Variants in TEX29 observed in about 807,000 individuals in gnomAD.
TEX29 encodes the protein testis expressed 29, also known as testis-expressed protein 29.
In TEX29, 26 loss-of-function variants were observed where a neutral mutation model predicts 18.2. The observed-to-expected ratio is 1.43, with a 90% CI of 1.04 to 1.98. The LOEUF (loss-of-function observed/expected upper bound fraction) is 1.98, where lower values mean the gene tolerates loss of function less well. Ranked by LOEUF, TEX29 falls within the 30% of genes most tolerant of loss-of-function variation. TEX29 has a pLI of 0.00. For missense variants in TEX29, 177 were observed against 194.2 expected, an observed-to-expected ratio of 0.91 and a Z score of 0.53; for synonymous variants, 83 against 78.5, an observed-to-expected ratio of 1.06 and a Z score of -0.31.
rs757549871 is a variant in TEX29 at position 111,342,972 on chromosome 13, G to A, written c.415+41G>A. The stretch of plus-strand genomic sequence containing the variant: ...AATGATCCTCAGCCTAAGGTCAAGG[G>A]CGTGGCTCTGTTCCCTCGGGAGACC... On this transcript the variant is annotated intron_variant, in intron 5 of 5. Coordinates refer to ENST00000283547, the MANE Select transcript of TEX29 (RefSeq NM_152324.3). The A allele has an allele frequency of 3.7e-6, 6 of 1,602,496 alleles. No individual in the cohort carries two copies. In the Admixed American group the frequency reaches 8.4e-5, roughly 22 times the overall value.
rs1375280295 is a variant in TEX29, at chr13:111,344,009, G to C, written c.416-74G>C. On this transcript the variant is annotated intron_variant, in intron 5 of 5. Coordinates refer to ENST00000283547, the MANE Select transcript of TEX29 (RefSeq NM_152324.3). ...CAGACACCATGTAGATGGGTTCAAA[G>C]ATCCTGATGAAATCTTTTCGGGACT... 3 of 1,314,590 alleles carry C rather than the reference G, an allele frequency of 2.3e-6. No individual in the cohort carries two copies. The Admixed American group carries it at 5.2e-5, about 23-fold the overall frequency. The allele number at this position is 1,314,590 out of a possible 1,614,324, so 81.4% of individuals were successfully genotyped here. A position where few individuals can be genotyped will look rare whatever the true frequency, so the allele number is the denominator to read the frequency against.
chr13:111,329,853 C>T (rs1382152239), intron 3 of TEX29, among the ~76,000 whole-genome samples: 1 of 152,136 alleles, frequency 6.6e-6, no homozygotes, highest in Non-Finnish European at 1.5e-5. Flanking sequence ...TGGTTGTAGA[C>T]TCACCGCCTT....
chr13:111,331,039 T>G (rs1331168800), intron 3 of TEX29, among the ~76,000 whole-genome samples: 1 of 152,228 alleles, frequency 6.6e-6, no homozygotes, highest in African/African-American at 2.4e-5. Flanking sequence ...TGCAAACATG[T>G]TTTTTATTCT....
chr13:111,320,988 G>GGGGT, intron 2 of TEX29, 40 bp downstream of exon 2: 1 of 431,438 alleles, frequency 2.3e-6, no homozygotes, highest in African/African-American at 2.4e-5. Context: ...TGGGGTGGGG[G>GGGGT]AGCAGTTGGG....
At chr13:111,325,824 G>A (rs2093671969) in intron 2 of TEX29, among the ~76,000 whole-genome samples, 2 of 152,242 alleles carry the variant, frequency 1.3e-5, no homozygotes, top group Non-Finnish European at 1.5e-5. Context: ...TTTGTGTAGT[G>A]ATATTGAAGA....
At chr13:111,320,629 GGTCCCACA>G (rs1359654424), upstream of TEX29, 1 of 560,152 alleles carries the variant, frequency 1.8e-6, no homozygotes, top group Non-Finnish European at 3.2e-6. Flanking sequence ...TGCCCAGCCT[GGTCCCACA>G]GTCCATAGTG....
chr13:111,328,416 C>T (rs2093677657), intron 3 of TEX29, 123 bp downstream of exon 3: 6 of 672,914 alleles, frequency 8.9e-6, no homozygotes, highest in South Asian at 6.8e-5. Flanking sequence ...TTGTATTGTT[C>T]TCTGGCCAAC....
At chr13:111,336,172 A>G (rs756750425) in intron 3 of TEX29, among the ~76,000 whole-genome samples, 1 of 152,238 alleles carries the variant, frequency 6.6e-6, no homozygotes, top group African/African-American at 2.4e-5. Flanking sequence ...AGTTCTTTCC[A>G]TCATTCTAAC....
chr13:111,316,587 G>A (rs767479964), upstream of TEX29, among the ~76,000 whole-genome samples: 10 of 152,232 alleles, frequency 6.6e-5, no homozygotes, highest in Non-Finnish European at 1.3e-4. Flanking sequence ...CGCTGGGCCC[G>A]GGTGTCAAAA....
chr13:111,324,952 G>A (rs914258079), intron 2 of TEX29, among the ~76,000 whole-genome samples: 1 of 152,176 alleles, frequency 6.6e-6, no homozygotes, highest in Non-Finnish European at 1.5e-5. Context: ...TGGGATGAGC[G>A]AGGGAATGAA....
chr13:111,340,011 G>A (rs1034671136), intron 4 of TEX29, 79 bp downstream of exon 4: 3 of 1,371,376 alleles, frequency 2.2e-6, no homozygotes, highest in Non-Finnish European at 3.1e-6. Flanking sequence ...TGCCTGCCTG[G>A]GCTCCTTCGG....
At chr13:111,324,556 G>C (rs1318392096) in intron 2 of TEX29, among the ~76,000 whole-genome samples, 1 of 152,246 alleles carries the variant, frequency 6.6e-6, no homozygotes, top group Non-Finnish European at 1.5e-5. Flanking sequence ...GCGCTGCCCT[G>C]AGAGAGTCTC....
intron 2 of TEX29, among the ~76,000 whole-genome samples, chr13:111,321,482 A>G (rs2093664447): frequency 6.6e-6 from 1 of 152,212 alleles, no homozygotes; most frequent in South Asian, 2.1e-4. Flanking sequence ...GGTCAGGAAA[A>G]GGAAGATTCT....
At chr13:111,339,398 G>A in intron 3 of TEX29, 1 of 455,284 alleles carries the variant, frequency 2.2e-6, no homozygotes, top group Non-Finnish European at 4.4e-6. Context: ...ACCCCCAGGG[G>A]TCAGGAGCCA....
chr13:111,329,591 C>T (rs2093679619), intron 3 of TEX29, among the ~76,000 whole-genome samples: 1 of 151,860 alleles, frequency 6.6e-6, no homozygotes, highest in Admixed American at 6.6e-5. Context: ...TGGAACCTAG[C>T]ACAAGCTTGG....
At chr13:111,337,551 C>T (rs2093691201) in intron 3 of TEX29, among the ~76,000 whole-genome samples, 1 of 151,962 alleles carries the variant, frequency 6.6e-6, no homozygotes, top group Non-Finnish European at 1.5e-5. Context: ...CTGGCATCTC[C>T]TTTGGCTCCA....
In TEX29 at chr13:111,334,415, G is replaced by A. The variant is rs117360287; in HGVS notation, c.170-5448G>A. 2.9e-3 allele frequency among the ~76,000 whole-genome samples: 447 copies of A among 152,358 alleles called. 1 individual carries two copies. Among genetic ancestry groups the A allele is most frequent in the Non-Finnish European group, 4.5e-3 (303 of 68,042 alleles). On this transcript the variant is annotated intron_variant, in intron 3 of 5. Coordinates refer to ENST00000283547, the MANE Select transcript of TEX29 (RefSeq NM_152324.3). ...GACTTTGCATAGGGGTTCTGTGTGC[G>A]TGCTGAGGCACACCTTCAACAAAGT...
At chr13:111,317,615 C>T (rs529493496), upstream of TEX29, among the ~76,000 whole-genome samples, 10 of 152,360 alleles carry the variant, frequency 6.6e-5, no homozygotes, top group African/African-American at 2.2e-4. Context: ...ATTGTCCCAG[C>T]GAAGTCATCA....
At chr13:111,325,041 A>G (rs1328171914) in intron 2 of TEX29, among the ~76,000 whole-genome samples, 3 of 152,104 alleles carry the variant, frequency 2.0e-5, no homozygotes, top group Non-Finnish European at 4.4e-5. Flanking sequence ...GGACAGATTC[A>G]TGGGATGAGC....
Sources: gnomAD v4.1 joint callset for allele counts (sites outside exome capture counted in the v4.1 genomes callset) on GRCh38, gnomAD v4.1.1 for gene constraint, MANE v1.5 for transcripts, NCBI Gene and HGNC (gene_info 2026-07-23, HGNC 2026-07-21) for gene names.